DAB1: variants seen among roughly 807,000 people sequenced by gnomAD.
The protein encoded by DAB1 is DAB adaptor protein 1.
In DAB1, 15 loss-of-function variants were observed where a neutral mutation model predicts 64.6. The observed-to-expected ratio is 0.23, with a 90% CI of 0.16 to 0.36. The LOEUF is 0.36. Ranked by LOEUF, DAB1 falls within the 10% of genes least tolerant of loss-of-function variation. The pLI is 1.00. For missense variants in DAB1, 596 were observed against 706.7 expected (o/e 0.84, Z 1.78); for synonymous variants, 235 against 251.9 (o/e 0.93, Z 0.64).
intron 1 of DAB1, among the ~76,000 whole-genome samples, chr1:57,877,616 A>G (rs1458859654): frequency 1.3e-5 from 1 of 77,366 alleles, no homozygotes; most frequent in Non-Finnish European, 2.4e-5. Flanking sequence ...TGCGGACTGC[A>G]GTGGCGCAAT....
chr1:57,556,611 A>G (rs1644991962), intron 7 of DAB1, among the ~76,000 whole-genome samples: 1 of 152,116 alleles, frequency 6.6e-6, no homozygotes, highest in Admixed American at 6.5e-5. Flanking sequence ...TCCTTAGCCC[A>G]CTTTTTAATG....
chr1:57,399,261 ATTC>A (rs1401208873), intron 1 of DAB1, among the ~76,000 whole-genome samples: 1 of 152,146 alleles, frequency 6.6e-6, no homozygotes, highest in Non-Finnish European at 1.5e-5. Context: ...ACTGAATCTT[ATTC>A]TTCTTTGTTT....
intron 6 of DAB1, among the ~76,000 whole-genome samples, chr1:57,797,920 A>T (rs776947973): frequency 6.6e-6 from 1 of 152,346 alleles, no homozygotes; most frequent in South Asian, 2.1e-4. Context: ...CTCACAGAAG[A>T]CTATGATAAT....
intron 1 of DAB1, among the ~76,000 whole-genome samples, chr1:57,313,103 C>G (rs1168703419): frequency 6.6e-6 from 1 of 152,044 alleles, no homozygotes; most frequent in Admixed American, 6.5e-5. Context: ...ATGCAGTGCC[C>G]CAGTTTTTAG....
intron 4 of DAB1, among the ~76,000 whole-genome samples, chr1:57,076,933 C>T (rs775423554): frequency 6.6e-6 from 1 of 152,170 alleles, no homozygotes; most frequent in African/African-American, 2.4e-5. Flanking sequence ...TGTGCTATGG[C>T]TACACAGATG....
intron 5 of DAB1, among the ~76,000 whole-genome samples, chr1:58,069,344 G>T (rs146102821): frequency 6.6e-6 from 1 of 152,080 alleles, no homozygotes; most frequent in African/African-American, 2.4e-5. Flanking sequence ...TTCCAACCGA[G>T]GCACCGTCCT....
chr1:58,323,741 C>T (rs1011811953), intron 4 of DAB1, among the ~76,000 whole-genome samples: 11 of 151,776 alleles, frequency 7.2e-5, no homozygotes, highest in African/African-American at 9.7e-5. Flanking sequence ...CTGGCTAACA[C>T]GGTGAAACCT....
intron 3 of DAB1, among the ~76,000 whole-genome samples, chr1:58,472,242 CAT>C (rs1645367599): frequency 1.3e-5 from 2 of 152,168 alleles, no homozygotes. Flanking sequence ...GTGCTACTCA[CAT>C]GTTACTCTAG....
intron 5 of DAB1, among the ~76,000 whole-genome samples, chr1:58,019,622 T>G (rs1361008805): frequency 6.6e-6 from 1 of 152,214 alleles, no homozygotes; most frequent in Non-Finnish European, 1.5e-5. Flanking sequence ...ATGAGAAATC[T>G]GAGACCCAAC....
At chr1:57,391,122 T>C (rs1682315663) in intron 1 of DAB1, among the ~76,000 whole-genome samples, 1 of 152,210 alleles carries the variant, frequency 6.6e-6, no homozygotes, top group Non-Finnish European at 1.5e-5. Flanking sequence ...AAGTTCATTC[T>C]AGCATAGCAC....
chr1:58,493,866 C>A (rs1247950067), intron 3 of DAB1, among the ~76,000 whole-genome samples: 1 of 151,450 alleles, frequency 6.6e-6, no homozygotes, highest in African/African-American at 2.4e-5. Context: ...AGATTCAATG[C>A]CATCCCCATC....
At chr1:57,526,112 A>G (rs897093614) in intron 7 of DAB1, among the ~76,000 whole-genome samples, 3 of 151,700 alleles carry the variant, frequency 2.0e-5, no homozygotes, top group South Asian at 2.1e-4. Flanking sequence ...TAATTTTTGT[A>G]TTTTCAGTAG....
At chr1:58,526,182 A>G (rs557626064) in intron 2 of DAB1, among the ~76,000 whole-genome samples, 1 of 152,232 alleles carries the variant, frequency 6.6e-6, no homozygotes, top group East Asian at 1.9e-4. Flanking sequence ...GGAAATTCTT[A>G]ATACAGCCAA....
At chr1:57,766,924 A>G (rs933806150) in intron 6 of DAB1, among the ~76,000 whole-genome samples, 5 of 151,190 alleles carry the variant, frequency 3.3e-5, no homozygotes, top group African/African-American at 4.9e-5. Flanking sequence ...ACTTACAGTT[A>G]CCAGGTTATT....
intron 1 of DAB1, among the ~76,000 whole-genome samples, chr1:57,367,417 T>G (rs1363482092): frequency 2.6e-5 from 4 of 152,176 alleles, no homozygotes; most frequent in Admixed American, 6.5e-5. Context: ...ACCTACTAGG[T>G]GTTGGAAACC....
intron 1 of DAB1, chr1:57,878,454 GT>G (rs1644089061): frequency 1.3e-5 from 2 of 152,140 alleles, no homozygotes; most frequent in African/African-American, 2.4e-5. Context: ...GTAATAAAGG[GT>G]AATTCTTTTA....
chr1:57,251,948 A>C (rs1166103775), intron 2 of DAB1, among the ~76,000 whole-genome samples: 1 of 152,228 alleles, frequency 6.6e-6, no homozygotes, highest in East Asian at 1.9e-4. Flanking sequence ...CCTAGGCCAC[A>C]GGCCTGTGAA....
intron 1 of DAB1, among the ~76,000 whole-genome samples, chr1:57,355,586 G>T (rs914193107): frequency 1.3e-5 from 2 of 151,932 alleles, no homozygotes; most frequent in Non-Finnish European, 2.9e-5. Flanking sequence ...GTTTAGAAAA[G>T]CTTCCTAGAT....
intron 4 of DAB1, among the ~76,000 whole-genome samples, chr1:57,133,059 G>T (rs1444547558): frequency 1.3e-5 from 2 of 152,122 alleles, no homozygotes; most frequent in Non-Finnish European, 1.5e-5. Flanking sequence ...GCCAAATGGT[G>T]ATAATAATAG....
Sources: gnomAD v4.1 joint callset for allele counts (sites outside exome capture counted in the v4.1 genomes callset) on GRCh38, gnomAD v4.1.1 for gene constraint, MANE v1.5 for transcripts, NCBI Gene and HGNC (gene_info 2026-07-23, HGNC 2026-07-21) for gene names.